The following FSTL5 variants were observed in gnomAD, a reference collection of about 807,000 sequenced individuals.
FSTL5 encodes follistatin-related protein 5.
FSTL5 carries 62 observed loss-of-function variants against 89.1 expected under a neutral mutation model. That is an observed-to-expected ratio of 0.70 (90% CI 0.57 to 0.86). The LOEUF (loss-of-function observed/expected upper bound fraction) is 0.86, where lower values mean the gene tolerates loss of function less well. Ranked by LOEUF, FSTL5 falls within the 40% of genes least tolerant of loss-of-function variation. The probability of loss-of-function intolerance (pLI) is 0.00; values close to 1 mark genes in which losing one functional copy is unlikely to be tolerated. For missense variants in FSTL5, 1,057 were observed against 1,001.6 expected, an observed-to-expected ratio of 1.06 and a Z score of -0.75; for synonymous variants, 383 against 346.2, an observed-to-expected ratio of 1.11 and a Z score of -1.18.
intron 2 of FSTL5, among the ~76,000 whole-genome samples, chr4:162,077,986 G>A (rs148316108): frequency 6.6e-6 from 1 of 151,866 alleles, no homozygotes; most frequent in Non-Finnish European, 1.5e-5. Context: ...TAAAGGCATT[G>A]GTGAGTTGAT....
chr4:161,856,550 G>A (rs973724016), intron 4 of FSTL5, among the ~76,000 whole-genome samples: 1 of 151,746 alleles, frequency 6.6e-6, no homozygotes, highest in African/African-American at 2.4e-5. Context: ...AGATACAAAA[G>A]TGAAAAAAGC....
At chr4:161,823,515 G>A (rs1730561785) in intron 4 of FSTL5, among the ~76,000 whole-genome samples, 1 of 152,212 alleles carries the variant, frequency 6.6e-6, no homozygotes, top group African/African-American at 2.4e-5. Flanking sequence ...CAGAGCAGGT[G>A]CTGGCAATGG....
chr4:161,935,061 CT>C (rs1287183550), intron 3 of FSTL5, among the ~76,000 whole-genome samples: 3 of 152,080 alleles, frequency 2.0e-5, no homozygotes, highest in African/African-American at 4.8e-5. Context: ...ACTTTTAAAT[CT>C]CATAACTATA....
chr4:161,469,122 T>C (rs1432570279), intron 13 of FSTL5, among the ~76,000 whole-genome samples: 1 of 152,112 alleles, frequency 6.6e-6, no homozygotes, highest in Non-Finnish European at 1.5e-5. Flanking sequence ...CTACTTTCAG[T>C]CTCTATTATT....
chr4:161,965,454 T>C (rs1735295721), intron 3 of FSTL5, among the ~76,000 whole-genome samples: 1 of 152,154 alleles, frequency 6.6e-6, no homozygotes, highest in African/African-American at 2.4e-5. Context: ...TCCTATCTTT[T>C]ACTTTTGATG....
intron 2 of FSTL5, among the ~76,000 whole-genome samples, chr4:162,040,970 G>C (rs182256886): frequency 6.6e-6 from 1 of 152,126 alleles, no homozygotes; most frequent in East Asian, 1.9e-4. Context: ...CCCTGCAAGA[G>C]TGGACACTTT....
intron 4 of FSTL5, among the ~76,000 whole-genome samples, chr4:161,918,178 C>T (rs974790534): frequency 2.6e-5 from 4 of 152,084 alleles, no homozygotes; most frequent in Non-Finnish European, 4.4e-5. Context: ...ACAGAATCTT[C>T]TTTTACAATC....
intron 6 of FSTL5, among the ~76,000 whole-genome samples, chr4:161,725,025 G>A (rs1327638493): frequency 2.0e-5 from 3 of 151,950 alleles, no homozygotes; most frequent in African/African-American, 4.8e-5. Flanking sequence ...TGAAACTCCC[G>A]TCTCTACTAA....
chr4:162,048,030 T>C (rs537569469), intron 2 of FSTL5, among the ~76,000 whole-genome samples: 1 of 152,148 alleles, frequency 6.6e-6, no homozygotes, highest in East Asian at 1.9e-4. Flanking sequence ...ATTGTTCATG[T>C]TAAAGCCTAT....
At chr4:162,136,084 CTG>C (rs1446661180) in intron 1 of FSTL5, among the ~76,000 whole-genome samples, 1 of 152,002 alleles carries the variant, frequency 6.6e-6, no homozygotes, top group Non-Finnish European at 1.5e-5. Context: ...TAGTTTTCCA[CTG>C]TGATACACCC....
chr4:162,025,566 T>G (rs1737247997), intron 3 of FSTL5, among the ~76,000 whole-genome samples: 1 of 152,016 alleles, frequency 6.6e-6, no homozygotes, highest in African/African-American at 2.4e-5. Flanking sequence ...TGAGCAGAAT[T>G]TCCACTCATT....
intron 1 of FSTL5, 70 bp downstream of exon 1, chr4:162,163,545 T>C (rs1455393919): frequency 6.6e-6 from 1 of 150,756 alleles, no homozygotes; most frequent in Admixed American, 6.6e-5. Flanking sequence ...AACTTGTTTT[T>C]AAATTTTTGT....
At chr4:161,600,158 AACACACACACACACACACAC>A (rs71598717) in intron 7 of FSTL5, among the ~76,000 whole-genome samples, 3 of 141,986 alleles carry the variant, frequency 2.1e-5, no homozygotes, top group East Asian at 4.3e-4. Flanking sequence ...AATGTCAATA[AACACACACACACACACACAC>A]ACACACACAC....
chr4:161,700,417 T>G (rs1036757921), intron 6 of FSTL5, among the ~76,000 whole-genome samples: 13 of 152,198 alleles, frequency 8.5e-5, no homozygotes, highest in African/African-American at 2.9e-4. Context: ...ATATGCCTAC[T>G]TGTCAAATAT....
chr4:161,719,978 A>G (rs1739136164), intron 6 of FSTL5, among the ~76,000 whole-genome samples: 1 of 152,132 alleles, frequency 6.6e-6, no homozygotes, highest in Admixed American at 6.5e-5. Context: ...AAAAAACCTT[A>G]TTGACATTGG....
chr4:161,583,725 G>A (rs4691013), intron 8 of FSTL5, among the ~76,000 whole-genome samples: 1 of 151,900 alleles, frequency 6.6e-6, no homozygotes, highest in African/African-American at 2.4e-5. Flanking sequence ...GTGGTCCACA[G>A]AGTCCTTTAT....
chr4:161,956,177 G>A (rs139641908), intron 3 of FSTL5, among the ~76,000 whole-genome samples: 1 of 151,730 alleles, frequency 6.6e-6, no homozygotes, highest in African/African-American at 2.4e-5. Context: ...AATAAATACA[G>A]TAGAACTAAG....
chr4:161,868,906 G>A (rs1443807721), intron 4 of FSTL5, among the ~76,000 whole-genome samples: 1 of 152,108 alleles, frequency 6.6e-6, no homozygotes, highest in Non-Finnish European at 1.5e-5. Context: ...GTCATCTAAT[G>A]CAGCAATATT....
rs545275314 is a variant in FSTL5, at chr4:161,569,419, C to G, written c.1015+18036G>C. On this transcript the variant is annotated intron_variant, in intron 8 of 15. Transcript: ENST00000306100. ...CAAGGAATGTCTCAAACCATTACAC[C>G]AAGAAAAAAGTGTCTTATTTTAGAG... Among the ~76,000 whole-genome samples, 8 of 151,986 alleles carry G rather than the reference C, an allele frequency of 5.3e-5. 1 individual carries two copies. The South Asian group carries it at 1.7e-3, about 32-fold the overall frequency.
Sources: gnomAD v4.1 joint callset for allele counts (sites outside exome capture counted in the v4.1 genomes callset) on GRCh38, gnomAD v4.1.1 for gene constraint, MANE v1.5 for transcripts, NCBI Gene and HGNC (gene_info 2026-07-23, HGNC 2026-07-21) for gene names.